The following RSBN1 variants were observed in gnomAD, a reference collection of about 807,000 sequenced individuals.
The protein encoded by RSBN1 is lysine-specific demethylase 9.
A neutral mutation model predicts 74.8 loss-of-function variants in RSBN1; 23 were observed. That is an observed-to-expected ratio of 0.31 (90% confidence interval 0.22 to 0.44). The LOEUF (loss-of-function observed/expected upper bound fraction) is 0.44, where lower values mean the gene tolerates loss of function less well. Ranked by LOEUF, RSBN1 falls within the 20% of genes least tolerant of loss-of-function variation. The pLI, the probability that RSBN1 is intolerant of heterozygous loss-of-function variation, is 1.00. For missense variants in RSBN1, 808 were observed against 1,020.9 expected, an observed-to-expected ratio of 0.79 and a Z score of 2.84; for synonymous variants, 407 against 379.6, an observed-to-expected ratio of 1.07 and a Z score of -0.84.
intron 2 of RSBN1, among the ~76,000 whole-genome samples, chr1:113,791,346 T>A (rs897201264): frequency 1.2e-4 from 19 of 152,234 alleles, no homozygotes; most frequent in African/African-American, 4.6e-4. Context: ...GTGTTTAAAT[T>A]AGAAACTCAA....
chr1:113,809,886 A>C (rs2101831087), intron 1 of RSBN1, among the ~76,000 whole-genome samples: 1 of 152,326 alleles, frequency 6.6e-6, no homozygotes, highest in Non-Finnish European at 1.5e-5. Flanking sequence ...CGGCTACCAT[A>C]TTGGTCAGCA....
At chr1:113,810,070 G>A (rs987688543) in intron 1 of RSBN1, among the ~76,000 whole-genome samples, 2 of 152,098 alleles carry the variant, frequency 1.3e-5, no homozygotes, top group African/African-American at 4.8e-5. Context: ...GATCCTCGAT[G>A]ATATAAAGCC....
intron 1 of RSBN1, among the ~76,000 whole-genome samples, chr1:113,809,899 A>G (rs1234090974): frequency 6.6e-6 from 1 of 152,242 alleles, no homozygotes; most frequent in African/African-American, 2.4e-5. Flanking sequence ...GGTCAGCACA[A>G]ATACAGAAAA....
intron 2 of RSBN1, among the ~76,000 whole-genome samples, chr1:113,791,241 A>T (rs1660358171): frequency 1.3e-5 from 2 of 152,224 alleles, no homozygotes; most frequent in Non-Finnish European, 2.9e-5. Flanking sequence ...ATTAAAAAAA[A>T]TAATAGTTTT....
chr1:113,797,967 TTTTTCTTCTTTA>T lies in RSBN1; in HGVS notation c.761_772del (p.Ile254_Lys257del). On this transcript the variant is annotated inframe_deletion, in exon 2 of 7. Coordinates refer to ENST00000261441, the MANE Select transcript of RSBN1 (RefSeq NM_018364.5). Reference sequence around the variant, plus strand: ...CATGTCTTCTCGGTGTTTCTTTTTCTTTTTCTTCTTTATTTTCTTCAAGACAAAATCATCGGC... The same window carrying T: ...CATGTCTTCTCGGTGTTTCTTTTTCTTTTTCTTCAAGACAAAATCATCGGC... 1 of 1,612,820 alleles carries T rather than the reference TTTTTCTTCTTTA, an allele frequency of 6.2e-7. No individual in the cohort carries two copies.
Position 113,812,217 on chromosome 1 carries a change from C to T in RSBN1, c.196G>A (p.Glu66Lys). The T allele has an allele frequency of 6.2e-7, 1 of 1,607,398 alleles. No homozygotes were observed. Among genetic ancestry groups the T allele is most frequent in the Admixed American group, 1.7e-5 (1 of 60,020 alleles). Residue 66 changes from glutamate to lysine, a missense_variant, in exon 1 of 7, where the codon GAG (glutamate) becomes AAG (lysine). Physicochemically the swap from Glu to Lys is moderately conservative, Grantham distance 56. This residue lies in a region of RSBN1 where 464 missense variants were observed against 401.0 expected (regional missense o/e 1.16). Transcript: ENST00000261441. ...TCCTTCCCCTCTTTGTCCGGCTCCT[C>T]CTGCGCCGCCACCGCCCGTACTACG... ...VRVVRAVAAQEEPDKEGKEKP... is the reference protein window; with the variant it reads ...VRVVRAVAAQKEPDKEGKEKP...
intron 2 of RSBN1, among the ~76,000 whole-genome samples, chr1:113,781,758 AAATCAGGAATTG>A (rs1292678518): frequency 1.3e-5 from 2 of 152,134 alleles, no homozygotes; most frequent in Admixed American, 1.3e-4. Flanking sequence ...CTCAGGTCCT[AAATCAGGAATTG>A]ATAAATCCCT....
intron 2 of RSBN1, among the ~76,000 whole-genome samples, chr1:113,795,752 C>A (rs901524357): frequency 2.0e-5 from 3 of 152,036 alleles, no homozygotes; most frequent in African/African-American, 7.3e-5. Flanking sequence ...AATTGGAGGA[C>A]AAAAATCAGC....
At chr1:113,803,173 C>T (rs866522606) in intron 1 of RSBN1, among the ~76,000 whole-genome samples, 1 of 152,204 alleles carries the variant, frequency 6.6e-6, no homozygotes, top group African/African-American at 2.4e-5. Context: ...CTTTTTATGG[C>T]TTGATAGCTC....
chr1:113,812,089 A>T lies in RSBN1; in HGVS notation c.324T>A (p.Pro108=), dbSNP rs1026454382. ...EKRGRPSQEP[P]LAPPHRRRRS... is the part of the protein sequence containing the mutation. ...GACGCCGCCGGTGAGGGGGAGCGAGAGGGGGCTCCTGGCTCGGCCGCCCCC... is the reference window on the plus strand; with the variant it reads ...GACGCCGCCGGTGAGGGGGAGCGAGTGGGGGCTCCTGGCTCGGCCGCCCCC... The change falls in exon 1 of 7, where the codon CCT becomes CCA. Residue 108 remains proline (P), a synonymous_variant. Transcript: ENST00000261441. 4.4e-6 allele frequency: 7 copies of T among 1,590,102 alleles called. 1 individual carries two copies. The highest frequency in any genetic ancestry group is 6.0e-6 in the Non-Finnish European group (7 of 1,169,772).
At chr1:113,803,749 T>A (rs559125287) in intron 1 of RSBN1, among the ~76,000 whole-genome samples, 12 of 151,834 alleles carry the variant, frequency 7.9e-5, no homozygotes, top group Non-Finnish European at 1.5e-4. Context: ...AGCTCTATTG[T>A]TTACTAAGGT....
At position 113,812,428 on chromosome 1, in the gene RSBN1, TC is replaced by T; in HGVS notation, c.-17del. ...AGATGAACATGCCGGAAGCGGCCGTTCCCAGCTTTTCTCCGCAGGCCTCTCC... is the reference window on the plus strand; with the variant it reads ...AGATGAACATGCCGGAAGCGGCCGTTCCAGCTTTTCTCCGCAGGCCTCTCC... On this transcript the variant is annotated 5_prime_UTR_variant, in exon 1 of 7. Transcript: ENST00000261441. 1 of 1,575,046 alleles carries T rather than the reference TC, an allele frequency of 6.3e-7. No individual in the cohort carries two copies. The highest frequency in any genetic ancestry group is 2.3e-5 in the East Asian group (1 of 44,080).
intron 2 of RSBN1, among the ~76,000 whole-genome samples, chr1:113,778,603 A>C (rs1387673356): frequency 6.6e-6 from 1 of 152,090 alleles, no homozygotes; most frequent in Non-Finnish European, 1.5e-5. Context: ...CCTGGCCCCA[A>C]TCTTTTTCTC....
In RSBN1 at chr1:113,803,453, C is replaced by T. The variant is rs1229416557; in HGVS notation, c.704-5417G>A. Among the ~76,000 whole-genome samples, 4 of 152,112 alleles carry T rather than the reference C, an allele frequency of 2.6e-5. No homozygotes were observed. In the East Asian group the frequency reaches 5.8e-4, roughly 22 times the overall value. ...CAAAGTGGCTGTATCATTTTGTATT[C>T]CCAACAATAATGAATGAGATAGCAT... On this transcript the variant is annotated intron_variant, in intron 1 of 6. Transcript: ENST00000261441.
intron 1 of RSBN1, among the ~76,000 whole-genome samples, chr1:113,810,117 G>A (rs971759554): frequency 1.4e-4 from 21 of 152,158 alleles, no homozygotes; most frequent in Non-Finnish European, 7.3e-5. Context: ...GGTAAACAAA[G>A]GAGTGGAAAA....
Position 113,763,766 on chromosome 1 carries a change from G to C in RSBN1, c.*2214C>G, listed in dbSNP as rs12132784. The C allele has an allele frequency of 0.012, 1,770 of 152,674 alleles. 14 individuals carry two copies. The highest frequency in any genetic ancestry group is 0.019 in the Non-Finnish European group (1,272 of 68,000). 9.5% of individuals were successfully genotyped at this position (152,674 alleles called of 1,614,324 possible). A position where few individuals can be genotyped will look rare whatever the true frequency, so the allele number is the denominator to read the frequency against. On this transcript the variant is annotated 3_prime_UTR_variant, in exon 7 of 7. Transcript: ENST00000261441. ...TTTTATAAAAGGAAAATGGGGATTT[G>C]CTTTTGATTGTAGGTCTTTGCAGAT...
chr1:113,774,791 G>C (rs1659986912), intron 4 of RSBN1, among the ~76,000 whole-genome samples: 1 of 151,712 alleles, frequency 6.6e-6, no homozygotes, highest in Non-Finnish European at 1.5e-5. Flanking sequence ...TGGGAGATGG[G>C]CTACAGTGAG....
chr1:113,793,463 T>C (rs1310997730), intron 2 of RSBN1, among the ~76,000 whole-genome samples: 1 of 152,208 alleles, frequency 6.6e-6, no homozygotes. Flanking sequence ...GTCTTTCTTC[T>C]GCCTGCCTTT....
intron 2 of RSBN1, among the ~76,000 whole-genome samples, chr1:113,786,183 A>G (rs1370843735): frequency 6.6e-6 from 1 of 152,230 alleles, no homozygotes; most frequent in African/African-American, 2.4e-5. Context: ...GATAGATAAG[A>G]GAAAGAAGTA....
Sources: gnomAD v4.1 joint callset for allele counts (sites outside exome capture counted in the v4.1 genomes callset) on GRCh38, gnomAD v4.1.1 for gene constraint, gnomAD v4.1.1 regional missense constraint, MANE v1.5 for transcripts, NCBI Gene and HGNC (gene_info 2026-07-23, HGNC 2026-07-21) for gene names.